The following FGFR2 variants were observed in gnomAD, a reference collection of about 807,000 sequenced individuals.
The protein encoded by FGFR2 is fibroblast growth factor receptor 2.
A neutral mutation model predicts 95.9 loss-of-function variants in FGFR2; 19 were observed. The observed-to-expected ratio is 0.20, with a 90% CI of 0.14 to 0.29. The LOEUF is 0.29. Among genes scored for constraint, FGFR2 ranks in the 10% least tolerant of loss-of-function variants. The pLI, the probability that FGFR2 is intolerant of heterozygous loss-of-function variation, is 1.00. For missense variants in FGFR2, 707 were observed against 1,056.9 expected (o/e 0.67, Z 4.59); for synonymous variants, 392 against 393.3 (o/e 1.00, Z 0.04).
intron 9 of FGFR2, among the ~76,000 whole-genome samples, chr10:121,508,092 T>C (rs1260271173): frequency 6.6e-6 from 1 of 152,214 alleles, no homozygotes; most frequent in African/African-American, 2.4e-5. Flanking sequence ...TACACCATTT[T>C]AAATAAAGGT....
intron 4 of FGFR2, 48 bp from the exon 5 acceptor site, chr10:121,551,507 C>T (rs1452333956): frequency 4.5e-6 from 7 of 1,560,734 alleles, no homozygotes; most frequent in Non-Finnish European, 6.2e-6. Context: ...ACAGCTTCCC[C>T]TCCATGAGTA....
chr10:121,521,227 CTA>C (rs1341026065), intron 6 of FGFR2, among the ~76,000 whole-genome samples: 3 of 152,198 alleles, frequency 2.0e-5, no homozygotes, highest in African/African-American at 7.2e-5. Context: ...CAACTCCTGG[CTA>C]TGTTTTAGAC....
chr10:121,598,182 G>C lies in FGFR2; in HGVS notation c.-371C>G, dbSNP rs527570655. 1.3e-5 allele frequency: 5 copies of C among 397,990 alleles called. No individual in the cohort carries two copies. Among genetic ancestry groups the C allele is most frequent in the South Asian group, 1.3e-4 (1 of 7,868 alleles). The allele number at this position is 397,990 out of a possible 1,614,324, so 24.7% of individuals were successfully genotyped here. ...CGGGCTGCCCTCGGATTTGGGGAAC[G>C]AGAGGAAGAAAGGACTCAGGCTTGG... On this transcript the variant is annotated 5_prime_UTR_variant, in exon 1 of 18. Transcript: ENST00000358487.
At chr10:121,491,356 C>G (rs1846103362) in intron 13 of FGFR2, among the ~76,000 whole-genome samples, 1 of 152,056 alleles carries the variant, frequency 6.6e-6, no homozygotes, top group Non-Finnish European at 1.5e-5. Context: ...CGTTCTCCAG[C>G]ACAGGGAGCT....
In FGFR2 at chr10:121,518,979, A is replaced by G; in HGVS notation, c.939+1000T>C. The stretch of plus-strand genomic sequence containing the variant: ...GCTGCGGATTTTAAAGAACAAAATC[A>G]GTCCAGTGGTGGACAACGGAAAGAC... On this transcript the variant is annotated intron_variant, in intron 7 of 17. Transcript: ENST00000358487. The surrounding 1 kb of genome is among the most constrained non-coding windows in gnomAD (Gnocchi z 4.0). The G allele has an allele frequency of 1.1e-6, 1 of 951,864 alleles. No homozygotes were observed. The highest frequency in any genetic ancestry group is 1.4e-5 in the South Asian group (1 of 71,680). The allele number at this position is 951,864 out of a possible 1,614,324, so 59.0% of individuals were successfully genotyped here.
At position 121,598,438 on chromosome 10, in the gene FGFR2, C is replaced by T; in HGVS notation, c.-627G>A. On this transcript the variant is annotated 5_prime_UTR_variant, in exon 1 of 18. Coordinates refer to ENST00000358487, the MANE Select transcript of FGFR2 (RefSeq NM_000141.5). ...CGCCCGCCCGCTCGGCTCTCCACCG[C>T]GCTCTCCTCCAGCCGCCGCCCGCGC... 6.3e-6 allele frequency: 1 copy of T among 159,134 alleles called. No individual in the cohort carries two copies. Among genetic ancestry groups the T allele is most frequent in the Non-Finnish European group, 1.4e-5 (1 of 73,640 alleles). 9.9% of individuals were successfully genotyped at this position (159,134 alleles called of 1,614,324 possible).
chr10:121,520,352 C>T lies in FGFR2; in HGVS notation c.749-183G>A, dbSNP rs2981447. On this transcript the variant is annotated intron_variant, in intron 6 of 17. Coordinates refer to ENST00000358487, the MANE Select transcript of FGFR2 (RefSeq NM_000141.5). ...CAGAAACGACTTCAAAGGAGACTGC[C>T]GGAGCGCGACCCTTGTAAAAAGAAC... is the stretch of plus-strand genomic sequence containing the variant. Among the ~76,000 whole-genome samples the T allele has an allele frequency of 0.9, 136,808 of 152,238 alleles. 63,278 individuals carry two copies. Among genetic ancestry groups the T allele is most frequent in the East Asian group, 1 (5,176 of 5,176 alleles).
chr10:121,510,878 T>C (rs1365768825), intron 9 of FGFR2, among the ~76,000 whole-genome samples: 1 of 151,998 alleles, frequency 6.6e-6, no homozygotes, highest in Non-Finnish European at 1.5e-5. Context: ...CTCAGCTCAC[T>C]GCAACCTCTA....
intron 6 of FGFR2, chr10:121,527,780 G>C (rs1851579075): frequency 6.6e-6 from 1 of 152,162 alleles, no homozygotes; most frequent in South Asian, 2.1e-4. Context: ...CCTAGGTTGT[G>C]CTTGGGTTTT....
intron 12 of FGFR2, 32 bp from the exon 13 acceptor site, chr10:121,496,754 G>C (rs754164585): frequency 3.1e-6 from 5 of 1,596,246 alleles, no homozygotes; most frequent in Admixed American, 3.3e-5. Flanking sequence ...TCCCTAAAGA[G>C]AGAATCCAGG....
At chr10:121,596,761 A>T (rs1863481494) in intron 1 of FGFR2, 1 of 193,690 alleles carries the variant, frequency 5.2e-6, no homozygotes, top group Non-Finnish European at 1.1e-5. Context: ...ACCCCCTTTC[A>T]GGGCAGCACT....
chr10:121,573,642 G>GGAAGAAAGAGAGGGGAAGGGGAGA (rs2135249781), intron 2 of FGFR2, among the ~76,000 whole-genome samples: 1 of 149,560 alleles, frequency 6.7e-6, no homozygotes, highest in South Asian at 2.1e-4. Flanking sequence ...GAAGGCAAGA[G>GGAAGAAAGAGAGGGGAAGGGGAGA]GAAGAAAGAG....
At chr10:121,586,297 T>C (rs766098702) in intron 2 of FGFR2, among the ~76,000 whole-genome samples, 2 of 152,222 alleles carry the variant, frequency 1.3e-5, no homozygotes, top group African/African-American at 2.4e-5. Flanking sequence ...ACATCCCTTG[T>C]TCTCGTTCTT....
At chr10:121,508,949 G>T (rs1270095062) in intron 9 of FGFR2, among the ~76,000 whole-genome samples, 1 of 152,224 alleles carries the variant, frequency 6.6e-6, no homozygotes, top group African/African-American at 2.4e-5. Flanking sequence ...TGTGTTGGGG[G>T]CTTGGCCCGG....
intron 9 of FGFR2, among the ~76,000 whole-genome samples, chr10:121,506,920 T>C (rs1228660620): frequency 6.6e-6 from 1 of 152,212 alleles, no homozygotes; most frequent in African/African-American, 2.4e-5. Context: ...TTTAGAATAA[T>C]AAGGATCTGA....
At chr10:121,504,393 T>C (rs41295581) in intron 9 of FGFR2, among the ~76,000 whole-genome samples, 148 of 152,292 alleles carry the variant, frequency 9.7e-4, no homozygotes, top group Middle Eastern at 3.4e-3. Flanking sequence ...TTTTAGGAAA[T>C]TGGCTCTACC....
chr10:121,481,691 C>A, intron 17 of FGFR2: 1 of 227,858 alleles, frequency 4.4e-6, no homozygotes, highest in Non-Finnish European at 8.7e-6. Context: ...TGGCATTCTG[C>A]TTTTTTATTT....
At chr10:121,558,701 G>A (rs1167107629) in intron 4 of FGFR2, among the ~76,000 whole-genome samples, 3 of 148,980 alleles carry the variant, frequency 2.0e-5, no homozygotes, top group Non-Finnish European at 4.4e-5. Flanking sequence ...TCCACTTCCC[G>A]GGTTCAAGTG....
intron 4 of FGFR2, among the ~76,000 whole-genome samples, chr10:121,553,848 G>GTTC (rs1855734103): frequency 6.6e-6 from 1 of 152,162 alleles, no homozygotes; most frequent in African/African-American, 2.4e-5. Flanking sequence ...TAGGAATGTT[G>GTTC]TTCTTTTCTG....
Sources: gnomAD v4.1 joint callset for allele counts (sites outside exome capture counted in the v4.1 genomes callset) on GRCh38, gnomAD v4.1.1 for gene constraint, Gnocchi (gnomAD v3.1) non-coding constraint, MANE v1.5 for transcripts, NCBI Gene and HGNC (gene_info 2026-07-23, HGNC 2026-07-21) for gene names.